Variants in TRIOBP observed in about 807,000 individuals in gnomAD.
The protein encoded by TRIOBP is TRIO and F-actin-binding protein.
Under a neutral mutation model 238.8 loss-of-function variants are expected in TRIOBP, and 169 were observed. The ratio of observed to expected loss-of-function variants is 0.71; its 90% CI spans 0.62 to 0.80. The LOEUF (loss-of-function observed/expected upper bound fraction) is 0.80, where lower values mean the gene tolerates loss of function less well. Among genes scored for constraint, TRIOBP ranks in the 30% least tolerant of loss-of-function variants. The pLI, the probability that TRIOBP is intolerant of heterozygous loss-of-function variation, is 0.00. For synonymous variants in TRIOBP, 1,150 were observed against 1,274.4 expected (o/e 0.90, Z 2.08); for missense variants, 2,838 against 3,122.6 (o/e 0.91, Z 2.17).
rs549764410 is a variant in TRIOBP, at chr22:37,725,843, A to T, written c.3287A>T (p.His1096Leu). ...CTCCCAGACACATCAGATGCCGAGC[A>T]TCAGTGTCAGTCCCCCCAACACGAG... ...PFLPDTSDAE[H>L]QCQSPQHEPL... Residue 1096 changes from histidine (H) to leucine (L), a missense_variant, in exon 7 of 24, where the codon CAT (histidine) becomes CTT (leucine). Coordinates refer to ENST00000644935, the MANE Select transcript of TRIOBP (RefSeq NM_001039141.3). The T allele has an allele frequency of 6.3e-7, 1 of 1,578,400 alleles. No homozygotes were observed. The highest frequency in any genetic ancestry group is 1.7e-5 in the Admixed American group (1 of 57,186).
At chr22:37,753,853 C>T (rs975076437) in intron 12 of TRIOBP, among the ~76,000 whole-genome samples, 5 of 152,108 alleles carry the variant, frequency 3.3e-5, no homozygotes, top group African/African-American at 4.8e-5. Context: ...GGCTGGGGAC[C>T]GGGTGATATG....
chr22:37,709,827 C>G (rs1923140809), intron 3 of TRIOBP, among the ~76,000 whole-genome samples: 2 of 152,202 alleles, frequency 1.3e-5, no homozygotes, highest in African/African-American at 4.8e-5. Context: ...GGCCTTGACC[C>G]TCCAGCCCTG....
At chr22:37,758,528 T>C (rs1025056913) in intron 16 of TRIOBP, among the ~76,000 whole-genome samples, 1 of 151,984 alleles carries the variant, frequency 6.6e-6, no homozygotes, top group African/African-American at 2.4e-5. Context: ...ATACAAAATT[T>C]AGCTGGGCGT....
Position 37,735,368 on chromosome 22 carries a change from C to CT in TRIOBP, c.5033dup (p.Ala1679GlyfsTer31). 1 of 1,611,586 alleles carries CT rather than the reference C, an allele frequency of 6.2e-7. No homozygotes were observed. The highest frequency in any genetic ancestry group is 8.5e-7 in the Non-Finnish European group (1 of 1,179,144). ...GACAAGAGGACCAGCGACCGCAACT[C>CT]TGGCAGGCCTGGAGCAGACGGGCCC... is the stretch of plus-strand genomic sequence containing the variant. On this transcript the variant is annotated frameshift_variant, in exon 9 of 24. Transcript: ENST00000644935. LOFTEE classifies it high-confidence loss of function.
intron 11 of TRIOBP, chr22:37,746,518 A>AT: frequency 9.0e-7 from 1 of 1,109,694 alleles, no homozygotes; most frequent in South Asian, 1.7e-5. Context: ...CCCCCTCCTC[A>AT]TTTCCCGAAG....
chr22:37,749,283 A>T (rs947759841), intron 11 of TRIOBP, among the ~76,000 whole-genome samples: 6 of 152,190 alleles, frequency 3.9e-5, no homozygotes, highest in African/African-American at 1.4e-4. Flanking sequence ...TCAACCCGGG[A>T]GGTGGAGGTT....
In TRIOBP at chr22:37,735,388, G is replaced by C. The variant is rs41283241; in HGVS notation, c.5052G>C (p.Thr1684=). The C allele has an allele frequency of 3.1e-6, 5 of 1,603,944 alleles. No individual in the cohort carries two copies. The highest frequency in any genetic ancestry group is 4.3e-6 in the Non-Finnish European group (5 of 1,175,650). The change falls in exon 9 of 24, where the codon ACG becomes ACC. Residue 1684 remains threonine (T), a synonymous_variant. Coordinates refer to ENST00000644935, the MANE Select transcript of TRIOBP (RefSeq NM_001039141.3). Reference sequence around the variant, plus strand: ...CAACTCTGGCAGGCCTGGAGCAGACGGGCCCCCTGGGGAGCAGGAGCACTG... The same window carrying C: ...CAACTCTGGCAGGCCTGGAGCAGACCGGCCCCCTGGGGAGCAGGAGCACTG... ...ATATLAGLEQ[T]GPLGSRSTAK... is the part of the protein sequence containing the mutation.
intron 5 of TRIOBP, among the ~76,000 whole-genome samples, 185 bp downstream of exon 5, chr22:37,713,596 C>T (rs1453489246): frequency 1.3e-5 from 2 of 152,238 alleles, no homozygotes; most frequent in East Asian, 1.9e-4. Context: ...GATTTCTGCA[C>T]AGGCTGGCCC....
chr22:37,723,912 A>G lies in TRIOBP; in HGVS notation c.1356A>G (p.Thr452=). 1 of 1,359,432 alleles carries G rather than the reference A, an allele frequency of 7.4e-7. No individual in the cohort carries two copies. Among genetic ancestry groups the G allele is most frequent in the Non-Finnish European group, 1.0e-6 (1 of 963,294 alleles). 84.2% of individuals were successfully genotyped at this position (1,359,432 alleles called of 1,614,324 possible). Residue 452 remains threonine (T), a synonymous_variant, in exon 7 of 24, where the codon ACA becomes ACG. Coordinates refer to ENST00000644935, the MANE Select transcript of TRIOBP (RefSeq NM_001039141.3). ...SPSRATRDNP[T]TSCAQRDNPR... ...GTAGAGCTACACGAGACAACCCCAC[A>G]ACATCCTGTGCCCAGCGGGACAATC...
At chr22:37,711,212 T>C (rs1923220184) in intron 4 of TRIOBP, among the ~76,000 whole-genome samples, 1 of 152,194 alleles carries the variant, frequency 6.6e-6, no homozygotes, top group Non-Finnish European at 1.5e-5. Context: ...ATAAGAGGGA[T>C]TGAATTAAAT....
chr22:37,701,558 C>A, intron 3 of TRIOBP, 79 bp downstream of exon 3: 1 of 1,050,950 alleles, frequency 9.5e-7, no homozygotes, highest in Non-Finnish European at 1.5e-6. Context: ...TGTCCGCTAA[C>A]TCGCAGTTGA....
chr22:37,737,829 C>G (rs1298893514), intron 9 of TRIOBP, among the ~76,000 whole-genome samples: 1 of 152,196 alleles, frequency 6.6e-6, no homozygotes, highest in Non-Finnish European at 1.5e-5. Context: ...TGTTCATTGT[C>G]GAAGTCTTAG....
At chr22:37,742,098 T>C (rs1250711186) in intron 11 of TRIOBP, among the ~76,000 whole-genome samples, 2 of 150,410 alleles carry the variant, frequency 1.3e-5, no homozygotes, top group African/African-American at 2.5e-5. Flanking sequence ...GCTGGAATTA[T>C]AGGCGTGCGC....
intron 21 of TRIOBP, among the ~76,000 whole-genome samples, chr22:37,769,956 G>A (rs1463658991): frequency 1.3e-5 from 2 of 151,072 alleles, no homozygotes; most frequent in Non-Finnish European, 3.0e-5. Flanking sequence ...CTCGAACTCC[G>A]GACCTCAAGT....
chr22:37,733,843 G>A (rs762049992), intron 8 of TRIOBP, among the ~76,000 whole-genome samples: 1 of 151,858 alleles, frequency 6.6e-6, no homozygotes, highest in Non-Finnish European at 1.5e-5. Flanking sequence ...ACTAATTTTC[G>A]TACTTTTAGT....
Position 37,735,027 on chromosome 22 carries a change from G to A in TRIOBP, c.4691G>A (p.Gly1564Asp), listed in dbSNP as rs1924603852. 3 of 1,609,788 alleles carry A rather than the reference G, an allele frequency of 1.9e-6. No homozygotes were observed. The East Asian group carries it at 6.7e-5, about 36-fold the overall frequency. Residue 1564 changes from glycine to aspartate, a missense_variant, in exon 9 of 24, where the codon GGC becomes GAC. This residue lies in a region of TRIOBP where 2,096 missense variants were observed against 2,137.4 expected (regional missense o/e 0.98). Coordinates refer to ENST00000644935, the MANE Select transcript of TRIOBP (RefSeq NM_001039141.3). ...GAGCTTGACTGGAGGGATCTGCTTG[G>A]CCTTCTCCGGGCACCAGGAGAGGGG... ...RPELDWRDLL[G>D]LLRAPGEGVW...
chr22:37,721,222 A>C (rs1316972357), intron 6 of TRIOBP, among the ~76,000 whole-genome samples: 4 of 152,006 alleles, frequency 2.6e-5, no homozygotes, highest in Admixed American at 2.6e-4. Flanking sequence ...CATGTTGGCC[A>C]GGCTGGTCTC....
chr22:37,744,777 G>A (rs1009259228), intron 11 of TRIOBP, among the ~76,000 whole-genome samples: 5 of 152,210 alleles, frequency 3.3e-5, no homozygotes, highest in Non-Finnish European at 7.3e-5. Context: ...TCATGGTGGA[G>A]AGACTCCTGG....
At chr22:37,718,843 G>GT (rs71195044) in intron 6 of TRIOBP, among the ~76,000 whole-genome samples, 4,402 of 103,342 alleles carry the variant, frequency 0.043, 216 homozygotes, top group African/African-American at 0.1. Flanking sequence ...ACTGGGGCTT[G>GT]TTTTTTTTTT....
Sources: gnomAD v4.1 joint callset for allele counts (sites outside exome capture counted in the v4.1 genomes callset) on GRCh38, gnomAD v4.1.1 for gene constraint, gnomAD v4.1.1 regional missense constraint, MANE v1.5 for transcripts, NCBI Gene and HGNC (gene_info 2026-07-23, HGNC 2026-07-21) for gene names.